The following JAKMIP1 variants were observed in gnomAD, a reference collection of about 807,000 sequenced individuals.
JAKMIP1 encodes the protein janus kinase and microtubule interacting protein 1.
In JAKMIP1, 33 loss-of-function variants were observed where a neutral mutation model predicts 113.0. The ratio of observed to expected loss-of-function variants is 0.29; its 90% CI spans 0.22 to 0.39. The LOEUF (loss-of-function observed/expected upper bound fraction) is 0.39, where lower values mean the gene tolerates loss of function less well. JAKMIP1 is among the 10% of genes least tolerant of loss of function. The pLI, the probability that JAKMIP1 is intolerant of heterozygous loss-of-function variation, is 1.00. For missense variants in JAKMIP1, 813 were observed against 1,080.5 expected, an observed-to-expected ratio of 0.75 and a Z score of 3.47; for synonymous variants, 480 against 459.9, an observed-to-expected ratio of 1.04 and a Z score of -0.56.
chr4:6,106,145 C>T lies in JAKMIP1; in HGVS notation c.130-178G>A, dbSNP rs529512150. Among the ~76,000 whole-genome samples the T allele has an allele frequency of 1.5e-4, 23 of 152,264 alleles. No individual in the cohort carries two copies. The highest frequency in any genetic ancestry group is 1.5e-3 in the Admixed American group (23 of 15,294). On this transcript the variant is annotated intron_variant, in intron 2 of 20. Coordinates refer to ENST00000409021, the MANE Select transcript of JAKMIP1 (RefSeq NM_001099433.2). This position sits in a 1 kb window ranked among gnomAD's most constrained non-coding sequence, Gnocchi z 5.9. ...CTGCAGGCCTGACCCTCCTGCCAGCCCCACTTAGAATCTCTCCTGCTAGTT... is the reference window on the plus strand; with the variant it reads ...CTGCAGGCCTGACCCTCCTGCCAGCTCCACTTAGAATCTCTCCTGCTAGTT...
At chr4:6,027,334 G>C (rs536291161) in intron 20 of JAKMIP1, among the ~76,000 whole-genome samples, 2 of 152,174 alleles carry the variant, frequency 1.3e-5, no homozygotes, top group South Asian at 2.1e-4. Flanking sequence ...TCTAAACGAG[G>C]TGTAGGATCA....
chr4:6,127,430 G>C (rs1311134753), intron 1 of JAKMIP1, among the ~76,000 whole-genome samples: 1 of 152,216 alleles, frequency 6.6e-6, no homozygotes, highest in Non-Finnish European at 1.5e-5. Flanking sequence ...GACTGTGCCA[G>C]GGGAAGCCTG....
intron 1 of JAKMIP1, among the ~76,000 whole-genome samples, chr4:6,166,481 G>A (rs2109011875): frequency 6.6e-6 from 1 of 152,338 alleles, no homozygotes; most frequent in Admixed American, 6.5e-5. Context: ...ACTGTGGCCA[G>A]GGACACAGGA....
At chr4:6,085,244 A>G (rs1318206767) in intron 4 of JAKMIP1, among the ~76,000 whole-genome samples, 176 bp downstream of exon 4, 1 of 152,144 alleles carries the variant, frequency 6.6e-6, no homozygotes, top group Non-Finnish European at 1.5e-5. Flanking sequence ...GCCGCCACGC[A>G]CCGGCACCTC....
Position 6,199,227 on chromosome 4 carries a change from G to A in JAKMIP1, c.-148+1026C>T, listed in dbSNP as rs1485983184. ...GCTGGCGGTTAGATACAGTATCGCT[G>A]GAGCTCAGAGAGCCGGGCAGAGGCT... On this transcript the variant is annotated intron_variant, in intron 1 of 20. Coordinates refer to ENST00000409021, the MANE Select transcript of JAKMIP1 (RefSeq NM_001099433.2). This position sits in a 1 kb window ranked among gnomAD's most constrained non-coding sequence, Gnocchi z 5.6. Among the ~76,000 whole-genome samples, 1 of 152,266 alleles carries A rather than the reference G, an allele frequency of 6.6e-6. No individual in the cohort carries two copies.
intron 16 of JAKMIP1, among the ~76,000 whole-genome samples, chr4:6,047,666 G>A (rs1378586783): frequency 6.6e-6 from 1 of 152,204 alleles, no homozygotes; most frequent in Non-Finnish European, 1.5e-5. Context: ...ACTTGATTGA[G>A]GGATTGAACA....
At chr4:6,198,706 G>C (rs893415349) in intron 1 of JAKMIP1, among the ~76,000 whole-genome samples, 1 of 152,246 alleles carries the variant, frequency 6.6e-6, no homozygotes, top group South Asian at 2.1e-4. Flanking sequence ...TCTCTGCAGA[G>C]CTGCAGGTCT....
intron 1 of JAKMIP1, among the ~76,000 whole-genome samples, chr4:6,182,958 G>A (rs1320779874): frequency 6.6e-6 from 1 of 152,216 alleles, no homozygotes; most frequent in East Asian, 1.9e-4. Context: ...TTGGAGGTCA[G>A]GCCAGTGCCA....
chr4:6,093,719 G>A lies in JAKMIP1; in HGVS notation c.625-8090C>T, dbSNP rs1560173263. ...CTGTACAGGGAGGTGTGGCTGCCGT[G>A]CCCTGAAAAGTATCCTGTCTCCAGA... On this transcript the variant is annotated intron_variant, in intron 3 of 20. Coordinates refer to ENST00000409021, the MANE Select transcript of JAKMIP1 (RefSeq NM_001099433.2). This position sits in a 1 kb window ranked among gnomAD's most constrained non-coding sequence, Gnocchi z 4.6. Among the ~76,000 whole-genome samples, 2 of 152,132 alleles carry A rather than the reference G, an allele frequency of 1.3e-5. No homozygotes were observed. Among genetic ancestry groups the A allele is most frequent in the Admixed American group, 6.5e-5 (1 of 15,272 alleles).
chr4:6,151,033 T>G (rs1721513101), intron 1 of JAKMIP1, among the ~76,000 whole-genome samples: 1 of 151,996 alleles, frequency 6.6e-6, no homozygotes, highest in Non-Finnish European at 1.5e-5. Context: ...TGTGACCTTG[T>G]GCAGCGCCCC....
intron 2 of JAKMIP1, among the ~76,000 whole-genome samples, chr4:6,111,524 C>T (rs1263245104): frequency 6.6e-6 from 1 of 152,218 alleles, no homozygotes. Context: ...TAATCAGATC[C>T]TCATGACCAT....
chr4:6,054,016 C>T (rs774481193), intron 13 of JAKMIP1, 34 bp downstream of exon 13: 2 of 1,614,022 alleles, frequency 1.2e-6, no homozygotes, highest in Non-Finnish European at 1.7e-6. Context: ...ATGTCTGCTC[C>T]GTTTGAGAGT....
At position 6,049,461 on chromosome 4, in the gene JAKMIP1, G is replaced by C. The variant is rs975125208; in HGVS notation, c.1962+358C>G. Among the ~76,000 whole-genome samples, 4 of 152,118 alleles carry C rather than the reference G, an allele frequency of 2.6e-5. No homozygotes were observed. Among genetic ancestry groups the C allele is most frequent in the Non-Finnish European group, 5.9e-5 (4 of 68,044 alleles). ...CTGGTTGGGGACATTTCACAGAGTG[G>C]CACTAAGCTTTTGTGAAACATGGCT... On this transcript the variant is annotated intron_variant, in intron 15 of 20. Transcript: ENST00000409021. This position sits in a 1 kb window ranked among gnomAD's most constrained non-coding sequence, Gnocchi z 7.0.
intron 1 of JAKMIP1, among the ~76,000 whole-genome samples, chr4:6,177,475 G>A (rs543114067): frequency 1.3e-4 from 20 of 152,276 alleles, no homozygotes; most frequent in African/African-American, 4.3e-4. Context: ...CACGGCTTCT[G>A]CCTCTGAAAA....
At chr4:6,148,546 G>A (rs1721156300) in intron 1 of JAKMIP1, among the ~76,000 whole-genome samples, 1 of 152,254 alleles carries the variant, frequency 6.6e-6, no homozygotes, top group Non-Finnish European at 1.5e-5. Flanking sequence ...TTTCAAGGTG[G>A]CAGGAGCCAA....
chr4:6,098,358 AG>A (rs1023747758), intron 3 of JAKMIP1, among the ~76,000 whole-genome samples: 2 of 151,924 alleles, frequency 1.3e-5, no homozygotes, highest in African/African-American at 4.8e-5. Context: ...GCTTGAATCC[AG>A]GAGGTGGAGG....
In JAKMIP1 at chr4:6,094,356, A is replaced by G. The variant is rs1037551783; in HGVS notation, c.625-8727T>C. ...TTATCTCCCAGCTGCCTGAAGCTTG[A>G]TGCGAAAGGGCCACTGAGAAGGCCA... On this transcript the variant is annotated intron_variant, in intron 3 of 20. Transcript: ENST00000409021. The surrounding 1 kb of genome is among the most constrained non-coding windows in gnomAD (Gnocchi z 4.2). Among the ~76,000 whole-genome samples the G allele has an allele frequency of 1.8e-4, 28 of 152,312 alleles. No individual in the cohort carries two copies. In the Middle Eastern group the frequency reaches 0.014, roughly 74 times the overall value.
At chr4:6,190,586 TCTG>T (rs1238236844) in intron 1 of JAKMIP1, among the ~76,000 whole-genome samples, 2 of 152,102 alleles carry the variant, frequency 1.3e-5, no homozygotes. Context: ...GGGAGGAAGG[TCTG>T]CTGAGCACAC....
At chr4:6,160,559 C>T (rs1291652315) in intron 1 of JAKMIP1, among the ~76,000 whole-genome samples, 1 of 152,124 alleles carries the variant, frequency 6.6e-6, no homozygotes, top group East Asian at 1.9e-4. Context: ...TTCCCATTCC[C>T]ACCTTTTCCC....
Sources: allele counts gnomAD v4.1 joint callset (sites outside exome capture counted in the v4.1 genomes callset), GRCh38; gene constraint gnomAD v4.1.1; non-coding constraint Gnocchi (gnomAD v3.1); transcripts MANE v1.5; gene names NCBI Gene and HGNC (gene_info 2026-07-23, HGNC 2026-07-21).